Variants in PRELID2 observed in about 807,000 individuals in gnomAD.
The protein encoded by PRELID2 is PRELI domain-containing protein 2.
In PRELID2, 25 loss-of-function variants were observed where a neutral mutation model predicts 28.4. The observed-to-expected ratio is 0.88, with a 90% confidence interval of 0.64 to 1.23. The LOEUF is 1.23. PRELID2 is among the 50% of genes most tolerant of loss of function. The pLI, the probability that PRELID2 is intolerant of heterozygous loss-of-function variation, is 0.00. For missense variants in PRELID2, 201 were observed against 214.4 expected, an observed-to-expected ratio of 0.94 and a Z score of 0.39; for synonymous variants, 76 against 71.6, an observed-to-expected ratio of 1.06 and a Z score of -0.31.
the PRELID2 span, among the ~76,000 whole-genome samples, chr5:145,382,069 T>A: frequency 6.6e-6 from 1 of 151,632 alleles, no homozygotes; most frequent in Non-Finnish European, 1.5e-5. Context: ...AGAAGAGAAA[T>A]TGAGACCCTT....
At chr5:145,339,326 G>T in the PRELID2 span, among the ~76,000 whole-genome samples, 1 of 152,212 alleles carries the variant, frequency 6.6e-6, no homozygotes, top group Non-Finnish European at 1.5e-5. Context: ...AGGATTGGCG[G>T]GGAGCTTGGA....
At chr5:145,534,186 T>C (rs1457749138) in intron 1 of PRELID2, among the ~76,000 whole-genome samples, 1 of 152,022 alleles carries the variant, frequency 6.6e-6, no homozygotes, top group African/African-American at 2.4e-5. Context: ...TACTCTCAGG[T>C]GATAAGACTT....
rs1479298787 is a variant in PRELID2 at position 145,742,118 on chromosome 5, A to C, written n.70+22813T>G. Among the ~76,000 whole-genome samples, 381 of 108,600 alleles carry C rather than the reference A, an allele frequency of 3.5e-3. 1 individual carries two copies. Among genetic ancestry groups the C allele is most frequent in the African/African-American group, 0.012 (351 of 28,562 alleles). 71.2% of individuals were successfully genotyped at this position (108,600 alleles called of 152,430 possible). ...ATTACATATAATTATATATAAATAA[A>C]ATTTATTAATTATAAATAAATAAAT... is the stretch of plus-strand genomic sequence containing the variant. On this transcript the variant is annotated intron_variant and non_coding_transcript_variant, in intron 1 of 2. Transcript: ENST00000510259.
intron 1 of PRELID2, among the ~76,000 whole-genome samples, chr5:145,598,657 T>C (rs966825829): frequency 2.0e-5 from 3 of 152,150 alleles, no homozygotes; most frequent in Non-Finnish European, 2.9e-5. Context: ...AACAGAAATG[T>C]AATGAGTACT....
intron 5 of PRELID2, 31 bp from the exon 6 acceptor site, chr5:145,765,031 C>T (rs746329749): frequency 6.9e-7 from 1 of 1,447,316 alleles, no homozygotes; most frequent in Non-Finnish European, 9.6e-7. Context: ...AATTAAAATG[C>T]CCTATTTCAC....
chr5:145,670,622 C>T (rs1377734834), intron 1 of PRELID2, among the ~76,000 whole-genome samples: 2 of 152,120 alleles, frequency 1.3e-5, no homozygotes, highest in African/African-American at 2.4e-5. Flanking sequence ...ATTGCCTTAG[C>T]CTCTTCACTA....
chr5:145,252,848 T>G, the PRELID2 span, among the ~76,000 whole-genome samples: 3 of 152,110 alleles, frequency 2.0e-5, no homozygotes, highest in African/African-American at 7.2e-5. Context: ...AAGTCATATA[T>G]TTTATGTATA....
intron 1 of PRELID2, among the ~76,000 whole-genome samples, chr5:145,685,265 C>T (rs1755013039): frequency 6.6e-6 from 1 of 152,196 alleles, no homozygotes; most frequent in South Asian, 2.1e-4. Flanking sequence ...GCTTCCAAAG[C>T]TTTCAATTAC....
intron 5 of PRELID2, among the ~76,000 whole-genome samples, chr5:145,785,416 G>A (rs561984112): frequency 1.3e-5 from 2 of 152,196 alleles, no homozygotes; most frequent in East Asian, 1.9e-4. Flanking sequence ...TTTGGTATAC[G>A]ATTGTTAAGA....
chr5:145,548,690 C>G (rs771452332), intron 1 of PRELID2, among the ~76,000 whole-genome samples: 9 of 152,160 alleles, frequency 5.9e-5, no homozygotes, highest in Non-Finnish European at 1.0e-4. Flanking sequence ...CTATCTCTCC[C>G]CTAGATGGCT....
chr5:145,745,761 G>C (rs1351641748), intron 1 of PRELID2, among the ~76,000 whole-genome samples: 1 of 151,952 alleles, frequency 6.6e-6, no homozygotes, highest in African/African-American at 2.4e-5. Context: ...TACTCAGGAG[G>C]CTGAGGCAGG....
chr5:145,462,935 C>G, the PRELID2 span, among the ~76,000 whole-genome samples: 3 of 152,150 alleles, frequency 2.0e-5, no homozygotes, highest in Non-Finnish European at 4.4e-5. Flanking sequence ...AGTAAACTCT[C>G]TCCAGTGACT....
At chr5:145,611,995 CA>C (rs1367653300) in intron 1 of PRELID2, among the ~76,000 whole-genome samples, 1 of 152,064 alleles carries the variant, frequency 6.6e-6, no homozygotes, top group Non-Finnish European at 1.5e-5. Context: ...GACCCATGAA[CA>C]AATAACACTT....
At chr5:145,782,173 T>C (rs1196682614) in intron 5 of PRELID2, among the ~76,000 whole-genome samples, 1 of 152,138 alleles carries the variant, frequency 6.6e-6, no homozygotes, top group Non-Finnish European at 1.5e-5. Context: ...TTCAAAGTCA[T>C]ATGTACACCC....
intron 1 of PRELID2, among the ~76,000 whole-genome samples, chr5:145,498,306 C>A (rs1752325144): frequency 6.6e-6 from 1 of 152,078 alleles, no homozygotes. Flanking sequence ...CAAGAAAGGG[C>A]AACATAAATG....
chr5:145,650,972 G>A (rs1008935441), intron 1 of PRELID2, among the ~76,000 whole-genome samples: 8 of 152,130 alleles, frequency 5.3e-5, no homozygotes, highest in African/African-American at 1.9e-4. Flanking sequence ...CGCCTCACCT[G>A]GGAAGCACAA....
intron 1 of PRELID2, among the ~76,000 whole-genome samples, chr5:145,559,810 A>C (rs1752911086): frequency 6.8e-6 from 1 of 146,228 alleles, no homozygotes; most frequent in African/African-American, 2.5e-5. Context: ...GAAGATACTG[A>C]ATATATTTTC....
At chr5:145,425,634 C>T in the PRELID2 span, among the ~76,000 whole-genome samples, 1 of 152,060 alleles carries the variant, frequency 6.6e-6, no homozygotes, top group African/African-American at 2.4e-5. Context: ...AAGCCATTAT[C>T]CTCAGCAAAC....
chr5:145,616,695 G>C lies in PRELID2; in HGVS notation n.71-143380C>G, dbSNP rs182446213. Among the ~76,000 whole-genome samples, 80 of 152,258 alleles carry C rather than the reference G, an allele frequency of 5.3e-4. No homozygotes were observed. The East Asian group carries it at 0.013, about 25-fold the overall frequency. ...GGTAATAGAATATCACAAGGCAAAT[G>C]GAGGCAGGGCGAGATCACAGGACCA... On this transcript the variant is annotated intron_variant and non_coding_transcript_variant, in intron 1 of 2. Transcript: ENST00000510259.
Sources: gnomAD v4.1 joint callset for allele counts (sites outside exome capture counted in the v4.1 genomes callset) on GRCh38, gnomAD v4.1.1 for gene constraint, MANE v1.5 for transcripts, NCBI Gene and HGNC (gene_info 2026-07-23, HGNC 2026-07-21) for gene names.